The following INPP5B variants were observed in gnomAD, a reference collection of about 807,000 sequenced individuals.
INPP5B encodes the protein inositol polyphosphate-5-phosphatase B, also known as type II inositol 1,4,5-trisphosphate 5-phosphatase.
A neutral mutation model predicts 118.5 loss-of-function variants in INPP5B; 90 were observed. The observed-to-expected ratio is 0.76, with a 90% CI of 0.64 to 0.90. INPP5B has a LOEUF of 0.90. INPP5B is among the 40% of genes least tolerant of loss of function. The pLI is 0.00. For missense variants in INPP5B, 984 were observed against 1,125.6 expected, an observed-to-expected ratio of 0.87 and a Z score of 1.80; for synonymous variants, 385 against 418.9, an observed-to-expected ratio of 0.92 and a Z score of 0.99.
chr1:37,936,781 G>A (rs934922167), intron 6 of INPP5B, among the ~76,000 whole-genome samples: 1 of 148,276 alleles, frequency 6.7e-6, no homozygotes, highest in Non-Finnish European at 1.5e-5. Context: ...TGGCCAGTCT[G>A]GTCTCGAACC....
chr1:37,908,408 C>G (rs746677091), intron 7 of INPP5B, among the ~76,000 whole-genome samples: 1 of 152,164 alleles, frequency 6.6e-6, no homozygotes, highest in Non-Finnish European at 1.5e-5. Flanking sequence ...ATCTCCCTGT[C>G]CTTCCAATTC....
chr1:37,902,195 C>T (rs931431613), intron 7 of INPP5B, among the ~76,000 whole-genome samples: 4 of 152,058 alleles, frequency 2.6e-5, no homozygotes, highest in Non-Finnish European at 5.9e-5. Context: ...CCATGTTGGC[C>T]ATGGTGCTCT....
At chr1:37,874,864 T>A (rs555954458) in intron 17 of INPP5B, among the ~76,000 whole-genome samples, 149 of 152,298 alleles carry the variant, frequency 9.8e-4, no homozygotes, top group Admixed American at 1.9e-3. Context: ...ATGTCAAGTG[T>A]GAGTGATCTT....
chr1:37,895,593 G>A (rs1207355932), intron 7 of INPP5B, among the ~76,000 whole-genome samples: 3 of 150,318 alleles, frequency 2.0e-5, no homozygotes, highest in East Asian at 2.0e-4. Context: ...CTGCCATCTC[G>A]GCTCACTGCA....
chr1:37,904,689 C>T (rs1042607890), intron 7 of INPP5B, among the ~76,000 whole-genome samples: 2 of 151,856 alleles, frequency 1.3e-5, no homozygotes, highest in Non-Finnish European at 2.9e-5. Flanking sequence ...ACCAGCCTGA[C>T]CAACAAGGAG....
chr1:37,903,163 A>T (rs1009411166), intron 7 of INPP5B, among the ~76,000 whole-genome samples: 5 of 152,188 alleles, frequency 3.3e-5, no homozygotes, highest in Non-Finnish European at 7.3e-5. Context: ...AGAGTTAGGC[A>T]TACTAAGTCA....
At chr1:37,877,619 T>C (rs958973422) in intron 16 of INPP5B, among the ~76,000 whole-genome samples, 18 of 152,226 alleles carry the variant, frequency 1.2e-4, no homozygotes, top group Non-Finnish European at 2.5e-4. Flanking sequence ...AATAATTTCA[T>C]TCTATAGAAA....
In INPP5B at chr1:37,885,510, A is replaced by C. The variant is rs1643476279; in HGVS notation, c.1319+128T>G. The C allele has an allele frequency of 5.8e-6, 4 of 692,380 alleles. No homozygotes were observed. The East Asian group carries it at 1.0e-4, about 18-fold the overall frequency. 42.9% of individuals were successfully genotyped at this position (692,380 alleles called of 1,614,324 possible). On this transcript the variant is annotated intron_variant, in intron 13 of 23. Coordinates refer to ENST00000373024, the MANE Select transcript of INPP5B (RefSeq NM_005540.3). ...TTTCAAGAGATATAATCCATGTATA[A>C]CCAAGAGGTGGGAGCTACCACCATT...
At position 37,874,110 on chromosome 1, in the gene INPP5B, A is replaced by G. The variant is rs1351973731; in HGVS notation, c.1834T>C (p.Phe612Leu). 5.6e-6 allele frequency: 9 copies of G among 1,597,928 alleles called. No homozygotes were observed. In the Admixed American group the frequency reaches 1.5e-4, roughly 27 times the overall value. ...GGTACTTGTCCATTATGAATTGTAA[A>G]GGATTCTACTTTCAATTGCATGTAC... ...VKYMQLKVES[F>L]TIHNGQVPCH... The change falls in exon 18 of 24, where the codon TTT (phenylalanine) becomes CTT (leucine). Residue 612 changes from phenylalanine to leucine, a missense_variant. Around this residue, in one of 2 missense-constraint regions of INPP5B, gnomAD observed 634 missense variants for 791.0 expected, o/e 0.80. Transcript: ENST00000373024.
At chr1:37,881,220 G>A (rs1438493316) in intron 14 of INPP5B, among the ~76,000 whole-genome samples, 1 of 152,248 alleles carries the variant, frequency 6.6e-6, no homozygotes, top group Admixed American at 6.5e-5. Context: ...TATGCGAACT[G>A]GGGGAAGCTC....
Position 37,943,678 on chromosome 1 carries a change from A to G in INPP5B, c.251-9T>C. 1 of 1,613,978 alleles carries G rather than the reference A, an allele frequency of 6.2e-7. No homozygotes were observed. Among genetic ancestry groups the G allele is most frequent in the Non-Finnish European group, 8.5e-7 (1 of 1,179,968 alleles). ...TTCACCATCTGGGGACACTGTGGGG[A>G]GGGAAATGAGAATGCCCTTAGCAAT... On this transcript the variant is annotated splice_polypyrimidine_tract_variant and intron_variant, in intron 4 of 23. Coordinates refer to ENST00000373024, the MANE Select transcript of INPP5B (RefSeq NM_005540.3).
Position 37,931,397 on chromosome 1 carries a change from G to A in INPP5B, c.532+516C>T. On this transcript the variant is annotated intron_variant, in intron 7 of 23. Coordinates refer to ENST00000373024, the MANE Select transcript of INPP5B (RefSeq NM_005540.3). ...CCCAGAGAGGGGCAGCGAGTGGCCC[G>A]AGGTCACACAGCGAGTTCGGAACGG... 3 of 1,459,378 alleles carry A rather than the reference G, an allele frequency of 2.1e-6. No individual in the cohort carries two copies. The South Asian group carries it at 3.9e-5, about 19-fold the overall frequency. 90.4% of individuals were successfully genotyped at this position (1,459,378 alleles called of 1,614,324 possible). A position where few individuals can be genotyped will look rare whatever the true frequency, so the allele number is the denominator to read the frequency against.
chr1:37,930,194 A>G (rs1570356391), intron 7 of INPP5B: 1 of 152,200 alleles, frequency 6.6e-6, no homozygotes, highest in South Asian at 2.1e-4. Context: ...AGTGGCTGGG[A>G]CTACAGGTAC....
At chr1:37,887,656 C>T (rs1421319710) in intron 10 of INPP5B, among the ~76,000 whole-genome samples, 191 bp from the exon 11 acceptor site, 1 of 152,054 alleles carries the variant, frequency 6.6e-6, no homozygotes, top group Non-Finnish European at 1.5e-5. Context: ...AAACAAAAAC[C>T]CATTTTCTTT....
At chr1:37,878,401 G>T in intron 15 of INPP5B, 78 bp from the exon 16 acceptor site, 4 of 1,572,222 alleles carry the variant, frequency 2.5e-6, no homozygotes, top group Non-Finnish European at 3.4e-6. Flanking sequence ...TGGCTCAGGT[G>T]GGGAGTGATG....
At chr1:37,889,847 T>A in intron 8 of INPP5B, 123 bp from the exon 9 acceptor site, 1 of 617,882 alleles carries the variant, frequency 1.6e-6, no homozygotes, top group East Asian at 2.7e-5. Context: ...GAGGCCAAAG[T>A]AAAATTTATC....
intron 7 of INPP5B, among the ~76,000 whole-genome samples, chr1:37,909,034 A>G (rs756331502): frequency 6.6e-6 from 1 of 152,154 alleles, no homozygotes; most frequent in Non-Finnish European, 1.5e-5. Flanking sequence ...CTTGGCCCCA[A>G]TACAAACTTG....
At chr1:37,908,814 C>T (rs1644588998) in intron 7 of INPP5B, among the ~76,000 whole-genome samples, 2 of 152,054 alleles carry the variant, frequency 1.3e-5, no homozygotes, top group African/African-American at 4.8e-5. Flanking sequence ...CCTGCTTTGG[C>T]TGCTCACCCA....
intron 17 of INPP5B, among the ~76,000 whole-genome samples, chr1:37,874,819 C>T (rs192082488): frequency 3.5e-4 from 54 of 152,190 alleles, no homozygotes; most frequent in African/African-American, 1.2e-3. Context: ...AAACAAAAAA[C>T]GCCTTCACCT....
Sources: allele counts gnomAD v4.1 joint callset (sites outside exome capture counted in the v4.1 genomes callset), GRCh38; gene constraint gnomAD v4.1.1; regional missense constraint gnomAD v4.1.1; transcripts MANE v1.5; gene names NCBI Gene and HGNC (gene_info 2026-07-23, HGNC 2026-07-21).